MLLT10: variants seen among roughly 807,000 people sequenced by gnomAD.
MLLT10 encodes the protein MLLT10 histone lysine methyltransferase DOT1L cofactor.
MLLT10 carries 30 observed loss-of-function variants against 129.1 expected under a neutral mutation model. The ratio of observed to expected loss-of-function variants is 0.23; its 90% CI spans 0.17 to 0.32. MLLT10 has a LOEUF of 0.32. Among genes scored for constraint, MLLT10 ranks in the 10% least tolerant of loss-of-function variants. The pLI is 1.00. For missense variants in MLLT10, 1,119 were observed against 1,268.3 expected (o/e 0.88, Z 1.79); for synonymous variants, 490 against 446.4 (o/e 1.10, Z -1.23).
At chr10:21,690,869 C>T (rs1031804138) in intron 13 of MLLT10, among the ~76,000 whole-genome samples, 3 of 152,078 alleles carry the variant, frequency 2.0e-5, no homozygotes, top group African/African-American at 7.2e-5. Context: ...TCATCTCTTG[C>T]ACAGATTATT....
chr10:21,686,792 C>G (rs1027535081), intron 13 of MLLT10, among the ~76,000 whole-genome samples: 9 of 152,018 alleles, frequency 5.9e-5, no homozygotes, highest in African/African-American at 2.2e-4. Context: ...GACCAGCCTG[C>G]TCAACATGAC....
intron 8 of MLLT10, among the ~76,000 whole-genome samples, chr10:21,646,459 C>G (rs1211598521): frequency 6.6e-6 from 1 of 151,338 alleles, no homozygotes; most frequent in African/African-American, 2.4e-5. Flanking sequence ...GCCTTACCTA[C>G]TTTCTTTAAA....
At chr10:21,739,350 T>C (rs2058643870) in intron 21 of MLLT10, among the ~76,000 whole-genome samples, 1 of 152,148 alleles carries the variant, frequency 6.6e-6, no homozygotes, top group African/African-American at 2.4e-5. Context: ...ACCCAGCGAA[T>C]TCCCTCTTCT....
At position 21,733,097 on chromosome 10, in the gene MLLT10, A is replaced by G. The variant is rs1486954698; in HGVS notation, c.2407+10A>G. ...TTTTCAGCACAGACTGGTAAGTGTG[A>G]AAATATTTATTTTGTATCTAAGGAA... On this transcript the variant is annotated intron_variant, in intron 18 of 22. Transcript: ENST00000307729. The G allele has an allele frequency of 1.9e-6, 3 of 1,581,886 alleles. No individual in the cohort carries two copies. The highest frequency in any genetic ancestry group is 1.4e-5 in the African/African-American group (1 of 73,362).
At position 21,682,252 on chromosome 10, in the gene MLLT10, A is replaced by G. The variant is rs753664831; in HGVS notation, c.1694A>G (p.His565Arg). The change falls in exon 13 of 23, where the codon CAC becomes CGC. Residue 565 changes from histidine to arginine, a missense_variant. By Grantham distance (29) the His-to-Arg change is conservative. Coordinates refer to ENST00000307729, the MANE Select transcript of MLLT10 (RefSeq NM_001195626.3). The part of the protein sequence containing the change: ...TTFSELLNAI[H>R]NGIYNSNDVA... Reference sequence around the variant, plus strand: ...TTCTCAGAGTTGCTGAATGCAATACACAACGGTAAGTTTTATTAGAATCTT... The same window carrying G: ...TTCTCAGAGTTGCTGAATGCAATACGCAACGGTAAGTTTTATTAGAATCTT... 3.1e-6 allele frequency: 5 copies of G among 1,610,772 alleles called. No individual in the cohort carries two copies. The East Asian group carries it at 8.9e-5, about 29-fold the overall frequency.
chr10:21,612,595 A>G (rs1292552466), intron 6 of MLLT10, 144 bp downstream of exon 6: 1 of 478,800 alleles, frequency 2.1e-6, no homozygotes, highest in African/African-American at 1.9e-5. Context: ...CTTATTTGTA[A>G]TAAAGATAAT....
Position 21,593,925 on chromosome 10 carries a change from T to TA in MLLT10, c.296-1406_296-1405insA, listed in dbSNP as rs1564472638. ...TGGGCGACAGACCAAGGCTTTGTCT[T>TA]TAAAAAAAAAAAAAAAAAAAAAAAA... is the stretch of plus-strand genomic sequence containing the variant. On this transcript the variant is annotated intron_variant, in intron 4 of 22. Transcript: ENST00000307729. Among the ~76,000 whole-genome samples the TA allele has an allele frequency of 5.6e-5, 4 of 71,982 alleles. No homozygotes were observed. The East Asian group carries it at 1.0e-3, about 18-fold the overall frequency. The allele number at this position is 71,982 out of a possible 152,430, so 47.2% of individuals were successfully genotyped here.
At chr10:21,564,003 G>A (rs919904899) in intron 3 of MLLT10, among the ~76,000 whole-genome samples, 2 of 152,054 alleles carry the variant, frequency 1.3e-5, no homozygotes, top group Middle Eastern at 3.4e-3. Flanking sequence ...TAGTAGAGAC[G>A]GGGTTTCACC....
At chr10:21,578,376 G>C (rs1299464691) in intron 3 of MLLT10, among the ~76,000 whole-genome samples, 1 of 152,114 alleles carries the variant, frequency 6.6e-6, no homozygotes, top group East Asian at 1.9e-4. Context: ...CAAACTACTT[G>C]TCAGACATGC....
rs568717534 is a variant in MLLT10 at position 21,567,004 on chromosome 10, A to T, written c.241-19290A>T. Among the ~76,000 whole-genome samples, 50 of 151,202 alleles carry T rather than the reference A, an allele frequency of 3.3e-4. 1 individual carries two copies. Among genetic ancestry groups the T allele is most frequent in the African/African-American group, 1.2e-3 (48 of 41,224 alleles). ...AATTTTGTATTTTTAGTAGAGACGG[A>T]GTTTGTCCATGTTGGTCAGGCTGTT... On this transcript the variant is annotated intron_variant, in intron 3 of 22. Coordinates refer to ENST00000307729, the MANE Select transcript of MLLT10 (RefSeq NM_001195626.3).
intron 2 of MLLT10, among the ~76,000 whole-genome samples, chr10:21,537,621 T>C (rs1483112479): frequency 6.6e-6 from 1 of 152,076 alleles, no homozygotes; most frequent in Non-Finnish European, 1.5e-5. Flanking sequence ...CCTGCCACCA[T>C]GCCCAGCTAA....
intron 9 of MLLT10, among the ~76,000 whole-genome samples, chr10:21,653,257 G>A (rs907485233): frequency 5.3e-5 from 8 of 152,128 alleles, no homozygotes; most frequent in East Asian, 1.9e-4. Flanking sequence ...TGTTTCTACC[G>A]TTCGTCAGGT....
chr10:21,738,120 T>C (rs145990772), intron 21 of MLLT10, among the ~76,000 whole-genome samples: 2 of 151,986 alleles, frequency 1.3e-5, no homozygotes, highest in African/African-American at 4.8e-5. Flanking sequence ...ATACAAAAAT[T>C]AGCCGGGTGT....
At chr10:21,700,123 T>G in intron 13 of MLLT10, among the ~76,000 whole-genome samples, 1 of 151,854 alleles carries the variant, frequency 6.6e-6, no homozygotes, top group African/African-American at 2.4e-5. Context: ...TTTTTTTTTT[T>G]TAAACACTAT....
intron 8 of MLLT10, among the ~76,000 whole-genome samples, chr10:21,639,972 C>T (rs1241747960): frequency 6.6e-6 from 1 of 151,680 alleles, no homozygotes; most frequent in Non-Finnish European, 1.5e-5. Context: ...TAAAGCACCC[C>T]ATTATAACAA....
At chr10:21,668,616 G>A (rs1404931460) in intron 9 of MLLT10, among the ~76,000 whole-genome samples, 1 of 151,964 alleles carries the variant, frequency 6.6e-6, no homozygotes, top group African/African-American at 2.4e-5. Context: ...ATGATTTTTT[G>A]TCACTGAAGT....
At position 21,668,648 on chromosome 10, in the gene MLLT10, C is replaced by G. The variant is rs114801302; in HGVS notation, c.796-1801C>G. On this transcript the variant is annotated intron_variant, in intron 9 of 22. Coordinates refer to ENST00000307729, the MANE Select transcript of MLLT10 (RefSeq NM_001195626.3). ...AAGTTTGATTGTTTTATTCATTGCT[C>G]TCTTTGTAATACTGTTTCTTCCAAA... 2.5e-4 allele frequency among the ~76,000 whole-genome samples: 38 copies of G among 152,130 alleles called. 2 individuals are homozygous for G. The East Asian group carries it at 6.8e-3, about 27-fold the overall frequency.
At chr10:21,599,322 A>G (rs975908988) in intron 5 of MLLT10, among the ~76,000 whole-genome samples, 2 of 152,138 alleles carry the variant, frequency 1.3e-5, no homozygotes, top group Non-Finnish European at 2.9e-5. Flanking sequence ...AGCCTGGGCG[A>G]CAGAATGAGA....
In MLLT10 at chr10:21,534,526, CG is replaced by C; in HGVS notation, c.-1+7del. The stretch of plus-strand genomic sequence containing the variant: ...GACTGAGCGGCAAAGCCCGAGTGAG[CG>C]AGCGGTGGGCTGCCGGGCCGGGCGG... On this transcript the variant is annotated splice_region_variant and intron_variant, in intron 1 of 22. Transcript: ENST00000307729. 2.9e-6 allele frequency: 3 copies of C among 1,050,808 alleles called. No homozygotes were observed. The highest frequency in any genetic ancestry group is 3.9e-6 in the Non-Finnish European group (3 of 767,892). The allele number at this position is 1,050,808 out of a possible 1,614,324, so 65.1% of individuals were successfully genotyped here.
Sources: gnomAD v4.1 joint callset for allele counts (sites outside exome capture counted in the v4.1 genomes callset) on GRCh38, gnomAD v4.1.1 for gene constraint, MANE v1.5 for transcripts, NCBI Gene and HGNC (gene_info 2026-07-23, HGNC 2026-07-21) for gene names.